SAMD4A: variants seen among roughly 807,000 people sequenced by gnomAD.
SAMD4A encodes sterile alpha motif domain containing 4A, also known as protein Smaug homolog 1.
In SAMD4A, 33 loss-of-function variants were observed where a neutral mutation model predicts 81.3. The ratio of observed to expected loss-of-function variants is 0.41; its 90% CI spans 0.31 to 0.54. The LOEUF (loss-of-function observed/expected upper bound fraction) is 0.54, where lower values mean the gene tolerates loss of function less well. Among genes scored for constraint, SAMD4A ranks in the 20% least tolerant of loss-of-function variants. SAMD4A has a pLI of 0.37. For synonymous variants in SAMD4A, 389 were observed against 382.1 expected, an observed-to-expected ratio of 1.02 and a Z score of -0.21; for missense variants, 854 against 951.1, an observed-to-expected ratio of 0.90 and a Z score of 1.34.
chr14:54,787,540 G>A (rs566947269), intron 12 of SAMD4A, among the ~76,000 whole-genome samples: 18 of 152,260 alleles, frequency 1.2e-4, no homozygotes, highest in Non-Finnish European at 2.2e-4. Context: ...CCCAAGTTCT[G>A]CCAAGCAAAT....
Position 54,770,282 on chromosome 14 carries a change from C to T in SAMD4A, c.1715+60C>T, listed in dbSNP as rs1185804100. 4.3e-6 allele frequency: 5 copies of T among 1,163,302 alleles called. No homozygotes were observed. The East Asian group carries it at 9.5e-5, about 22-fold the overall frequency. The allele number at this position is 1,163,302 out of a possible 1,614,324, so 72.1% of individuals were successfully genotyped here. On this transcript the variant is annotated intron_variant, in intron 9 of 12. Coordinates refer to ENST00000554335, the MANE Select transcript of SAMD4A (RefSeq NM_015589.6). ...GGTTCCCCTGGCGCCTTGTTGCCTA[C>T]CTCGGTTCCTGGGGCAGGAATATGG...
At chr14:54,742,840 C>T (rs979870471) in intron 4 of SAMD4A, among the ~76,000 whole-genome samples, 11 of 152,120 alleles carry the variant, frequency 7.2e-5, no homozygotes, top group African/African-American at 2.2e-4. Flanking sequence ...GGAAATATAG[C>T]AATTAAGAGT....
At chr14:54,682,660 G>C (rs1249373996) in intron 2 of SAMD4A, among the ~76,000 whole-genome samples, 1 of 152,150 alleles carries the variant, frequency 6.6e-6, no homozygotes, top group South Asian at 2.1e-4. Context: ...AGTCTCCAAG[G>C]TGTTCGCTCT....
intron 2 of SAMD4A, among the ~76,000 whole-genome samples, chr14:54,592,454 A>AT (rs965420678): frequency 1.3e-5 from 2 of 151,594 alleles, no homozygotes; most frequent in Non-Finnish European, 1.5e-5. Flanking sequence ...TTGTTAACAC[A>AT]TTTTTTTTCT....
intron 2 of SAMD4A, among the ~76,000 whole-genome samples, chr14:54,635,010 A>C (rs2034999011): frequency 6.6e-6 from 1 of 152,198 alleles, no homozygotes; most frequent in Admixed American, 6.5e-5. Context: ...CATCAGTTAC[A>C]TCATTTTGAA....
At chr14:54,773,534 C>T (rs993954363) in intron 9 of SAMD4A, among the ~76,000 whole-genome samples, 2 of 152,258 alleles carry the variant, frequency 1.3e-5, no homozygotes, top group Non-Finnish European at 2.9e-5. Context: ...GGACCTGAGG[C>T]GTGTCAGAGA....
intron 6 of SAMD4A, among the ~76,000 whole-genome samples, chr14:54,757,088 G>A (rs190261643): frequency 1.3e-5 from 2 of 152,256 alleles, no homozygotes; most frequent in East Asian, 3.9e-4. Context: ...TACAGTCAAG[G>A]GTGCTAGATT....
At chr14:54,780,268 A>G (rs2038966826) in intron 11 of SAMD4A, among the ~76,000 whole-genome samples, 1 of 152,114 alleles carries the variant, frequency 6.6e-6, no homozygotes. Context: ...GTCCAGTGGC[A>G]CCTCACATGG....
intron 2 of SAMD4A, among the ~76,000 whole-genome samples, chr14:54,684,089 G>T (rs1393778987): frequency 6.6e-6 from 1 of 152,216 alleles, no homozygotes; most frequent in African/African-American, 2.4e-5. Flanking sequence ...GAAACACACT[G>T]CCTGTCTGGT....
rs879834632 is a variant in SAMD4A at position 54,570,871 on chromosome 14, A to C, written c.196+2759A>C. 2.6e-5 allele frequency among the ~76,000 whole-genome samples: 4 copies of C among 152,190 alleles called. No individual in the cohort carries two copies. In the East Asian group the frequency reaches 7.7e-4, roughly 29 times the overall value. ...AAAACTAGGCTGTGCAGAATGACTC[A>C]TTCATTGGATTGCTGAGATTTCCTG... On this transcript the variant is annotated intron_variant, in intron 2 of 12. Coordinates refer to ENST00000554335, the MANE Select transcript of SAMD4A (RefSeq NM_015589.6).
chr14:54,693,039 A>G (rs928634683), intron 2 of SAMD4A: 3 of 152,166 alleles, frequency 2.0e-5, no homozygotes, highest in Middle Eastern at 3.2e-3. Context: ...AATGGGTGTC[A>G]GTTACAATCA....
At chr14:54,783,695 T>C (rs58292420) in intron 11 of SAMD4A, among the ~76,000 whole-genome samples, 5,696 of 152,286 alleles carry the variant, frequency 0.037, 333 homozygotes, top group African/African-American at 0.13. Flanking sequence ...CAGCTTTGTG[T>C]TAGTTGGCTA....
chr14:54,727,166 C>CTTTTTTTTTTTTCT (rs2037438212), intron 3 of SAMD4A, among the ~76,000 whole-genome samples: 1 of 59,146 alleles, frequency 1.7e-5, no homozygotes, highest in Non-Finnish European at 3.4e-5. Context: ...TCTTTTTTTC[C>CTTTTTTTTTTTTCT]TTTTTTTTTT....
chr14:54,730,535 C>T (rs866774126), intron 3 of SAMD4A, among the ~76,000 whole-genome samples: 2 of 152,176 alleles, frequency 1.3e-5, no homozygotes, highest in East Asian at 1.9e-4. Flanking sequence ...TTAGGGGAAT[C>T]GTCTTCTGGT....
chr14:54,760,063 C>T (rs1460256625), intron 6 of SAMD4A, 98 bp from the exon 7 acceptor site: 31 of 1,276,342 alleles, frequency 2.4e-5, no homozygotes, highest in East Asian at 1.8e-4. Flanking sequence ...CCAGCAGCCA[C>T]GAATCCTGTA....
chr14:54,572,180 G>T (rs1323837530), intron 2 of SAMD4A, among the ~76,000 whole-genome samples: 1 of 152,122 alleles, frequency 6.6e-6, no homozygotes, highest in Non-Finnish European at 1.5e-5. Context: ...TGGGGTAAAT[G>T]ACTAATATAA....
At chr14:54,647,786 TG>T (rs1404212003) in intron 2 of SAMD4A, among the ~76,000 whole-genome samples, 1 of 152,238 alleles carries the variant, frequency 6.6e-6, no homozygotes, top group Non-Finnish European at 1.5e-5. Flanking sequence ...TGATTGGGTA[TG>T]GAATTTACTC....
intron 2 of SAMD4A, among the ~76,000 whole-genome samples, chr14:54,583,385 A>G (rs1173022041): frequency 6.6e-6 from 1 of 152,088 alleles, no homozygotes; most frequent in Non-Finnish European, 1.5e-5. Context: ...CCTTGTCCTG[A>G]ATTAGCAGTG....
At chr14:54,739,074 T>TTTTTTTTTTTTTTTG (rs2037780582) in intron 4 of SAMD4A, among the ~76,000 whole-genome samples, 1 of 148,648 alleles carries the variant, frequency 6.7e-6, no homozygotes, top group African/African-American at 2.5e-5. Context: ...TTTTTTTTTT[T>TTTTTTTTTTTTTTTG]GAGGCCCTTA....
Sources: allele counts gnomAD v4.1 joint callset (sites outside exome capture counted in the v4.1 genomes callset), GRCh38; gene constraint gnomAD v4.1.1; transcripts MANE v1.5; gene names NCBI Gene and HGNC (gene_info 2026-07-23, HGNC 2026-07-21).